The following EIF3L variants were observed in gnomAD, a reference collection of about 807,000 sequenced individuals.
The protein encoded by EIF3L is eIEF associated protein HSPC021.
A neutral mutation model predicts 74.6 loss-of-function variants in EIF3L; 32 were observed. The observed-to-expected ratio is 0.43, with a 90% confidence interval of 0.32 to 0.58. The LOEUF is 0.58. Among genes scored for constraint, EIF3L ranks in the 20% least tolerant of loss-of-function variants. The probability of loss-of-function intolerance (pLI) is 0.06; values close to 1 mark genes in which losing one functional copy is unlikely to be tolerated. For missense variants in EIF3L, 474 were observed against 707.8 expected (o/e 0.67, Z 3.75); for synonymous variants, 256 against 254.4 (o/e 1.01, Z -0.06).
chr22:37,874,338 C>G, intron 8 of EIF3L, 32 bp from the exon 9 acceptor site: 1 of 1,603,236 alleles, frequency 6.2e-7, no homozygotes, highest in South Asian at 1.1e-5. Flanking sequence ...TACCTGCCTC[C>G]TATCAGTATT....
At chr22:37,868,453 T>C (rs891961599) in intron 7 of EIF3L, among the ~76,000 whole-genome samples, 3 of 149,700 alleles carry the variant, frequency 2.0e-5, no homozygotes, top group African/African-American at 7.4e-5. Flanking sequence ...ATTCTGGATA[T>C]TCTTTTTTTT....
intron 10 of EIF3L, 150 bp from the exon 11 acceptor site, chr22:37,877,524 T>C (rs1044744374): frequency 2.2e-6 from 2 of 900,202 alleles, no homozygotes; most frequent in Admixed American, 2.8e-5. Context: ...AGAGGGAGGA[T>C]TGGAAGAGAT....
chr22:37,867,954 CAA>C (rs540704187), intron 7 of EIF3L, among the ~76,000 whole-genome samples: 7 of 60,728 alleles, frequency 1.2e-4, no homozygotes, highest in Non-Finnish European at 1.3e-4. Context: ...GACTCCATCT[CAA>C]AAAAAAAAAA....
At chr22:37,871,895 T>TA (rs1156939691) in intron 8 of EIF3L, among the ~76,000 whole-genome samples, 3 of 147,152 alleles carry the variant, frequency 2.0e-5, no homozygotes, top group Non-Finnish European at 4.5e-5. Context: ...AAAAAAAAGA[T>TA]ATCTCATTAG....
intron 7 of EIF3L, among the ~76,000 whole-genome samples, chr22:37,866,114 C>G (rs961515183): frequency 1.3e-5 from 2 of 152,220 alleles, no homozygotes; most frequent in Non-Finnish European, 2.9e-5. Context: ...GTATCAATTA[C>G]TGTCTGGAAG....
chr22:37,866,021 C>G (rs1056951849), intron 7 of EIF3L, among the ~76,000 whole-genome samples: 1 of 152,118 alleles, frequency 6.6e-6, no homozygotes, highest in Non-Finnish European at 1.5e-5. Flanking sequence ...GGCTCTTCCT[C>G]GCCACCCTGT....
chr22:37,851,480 T>G lies in EIF3L; in HGVS notation c.283T>G (p.Tyr95Asp), dbSNP rs9610856. ...DQKVYEIQDI[Y>D]ENSWTKLTER... ...GAAGGTGTATGAGATCCAGGACATC[T>G]ATGAGAACAGGTATGGGCTACTGGC... The change falls in exon 3 of 13, where the codon TAT becomes GAT. Residue 95 changes from tyrosine (Y) to aspartate (D), a missense_variant. This residue lies in a region of EIF3L where 141 missense variants were observed against 197.7 expected (regional missense o/e 0.71). Coordinates refer to ENST00000652021, the MANE Select transcript of EIF3L (RefSeq NM_016091.4). The G allele has an allele frequency of 1.2e-6, 2 of 1,612,946 alleles. No homozygotes were observed. Among genetic ancestry groups the G allele is most frequent in the Non-Finnish European group, 1.7e-6 (2 of 1,179,696 alleles).
chr22:37,866,273 T>C (rs1926145425), intron 7 of EIF3L, among the ~76,000 whole-genome samples: 2 of 152,190 alleles, frequency 1.3e-5, no homozygotes, highest in Non-Finnish European at 2.9e-5. Context: ...CCTGACTTGC[T>C]CTTTTGCTGC....
chr22:37,862,802 CT>C (rs537938365), intron 5 of EIF3L, among the ~76,000 whole-genome samples, 166 bp from the exon 6 acceptor site: 1 of 152,164 alleles, frequency 6.6e-6, no homozygotes, highest in East Asian at 1.9e-4. Context: ...AGTGCGTCAG[CT>C]GCTATAGGAC....
chr22:37,859,502 C>T lies in EIF3L; in HGVS notation c.435+762C>T, dbSNP rs1305574048. Among the ~76,000 whole-genome samples the T allele has an allele frequency of 2.0e-5, 3 of 150,720 alleles. No individual in the cohort carries two copies. The East Asian group carries it at 6.0e-4, about 30-fold the overall frequency. On this transcript the variant is annotated intron_variant, in intron 5 of 12. Coordinates refer to ENST00000652021, the MANE Select transcript of EIF3L (RefSeq NM_016091.4). ...GTTCACGCCATTCTCCTGCCTCAGCCTCCTGAGTAGCTGGGATTGCAGGTG... is the reference window on the plus strand; with the variant it reads ...GTTCACGCCATTCTCCTGCCTCAGCTTCCTGAGTAGCTGGGATTGCAGGTG...
At chr22:37,875,308 G>T (rs1569120633) in intron 9 of EIF3L, among the ~76,000 whole-genome samples, 1 of 151,410 alleles carries the variant, frequency 6.6e-6, no homozygotes, top group Non-Finnish European at 1.5e-5. Context: ...AACCTGGGAG[G>T]CAGAGGTTGC....
rs1255530299 is a variant in EIF3L at position 37,874,519 on chromosome 22, A to C, written c.901A>C (p.Lys301Gln). The stretch of plus-strand genomic sequence containing the variant: ...GGTGCTGGAGAACATCGAACTGAAC[A>C]AGAAGGTGATGCCTATTGCCTCTGG... ...IKVLENIELN[K>Q]KSMYSRVPEC... The change falls in exon 9 of 13, where the codon AAG (lysine) becomes CAG (glutamine). Residue 301 changes from lysine (K) to glutamine (Q), a missense_variant. Physicochemically the swap from Lys to Gln is moderately conservative, Grantham distance 53. Around this residue, in one of 4 missense-constraint regions of EIF3L, gnomAD observed 293 missense variants for 469.1 expected, o/e 0.62. Coordinates refer to ENST00000652021, the MANE Select transcript of EIF3L (RefSeq NM_016091.4). 6.2e-7 allele frequency: 1 copy of C among 1,613,840 alleles called. No individual in the cohort carries two copies. The highest frequency in any genetic ancestry group is 8.5e-7 in the Non-Finnish European group (1 of 1,179,830).
chr22:37,864,225 T>G (rs1259353984), intron 7 of EIF3L, among the ~76,000 whole-genome samples: 1 of 152,094 alleles, frequency 6.6e-6, no homozygotes, highest in Non-Finnish European at 1.5e-5. Context: ...ACGTGGATAT[T>G]TATATTACTG....
At chr22:37,858,255 T>A (rs1338906552) in intron 4 of EIF3L, among the ~76,000 whole-genome samples, 3 of 84,260 alleles carry the variant, frequency 3.6e-5, no homozygotes, top group African/African-American at 1.4e-4. Flanking sequence ...GACATGGGGG[T>A]CTCACTGTGT....
intron 8 of EIF3L, 136 bp from the exon 9 acceptor site, chr22:37,874,234 G>C (rs985765461): frequency 1.2e-6 from 1 of 850,052 alleles, no homozygotes; most frequent in African/African-American, 1.7e-5. Flanking sequence ...GTATTCCTTT[G>C]AAGTTATTCC....
At chr22:37,888,244 G>A (rs1927422424) in intron 12 of EIF3L, 182 bp from the exon 13 acceptor site, 1 of 577,632 alleles carries the variant, frequency 1.7e-6, no homozygotes, top group South Asian at 2.4e-5. Context: ...AATAATCCGC[G>A]TGAACTGTGC....
At position 37,870,365 on chromosome 22, in the gene EIF3L, A is replaced by G; in HGVS notation, c.751+18A>G. 1 of 1,581,576 alleles carries G rather than the reference A, an allele frequency of 6.3e-7. No homozygotes were observed. The highest frequency in any genetic ancestry group is 8.6e-7 in the Non-Finnish European group (1 of 1,161,386). On this transcript the variant is annotated intron_variant, in intron 8 of 12. Coordinates refer to ENST00000652021, the MANE Select transcript of EIF3L (RefSeq NM_016091.4). ...AAGCGGAGGTGAGTGCAGCAGGCCG[A>G]CAGCCGTGGCCTGCGAATTTCCAGC...
Position 37,849,488 on chromosome 22 carries a change from G to A in EIF3L, c.33+6G>A. ...CTGATGATTATGAGTCTGAGGTAAG[G>A]TGGCCGTAAGGGCGCGGTGGGCTCC... is the stretch of plus-strand genomic sequence containing the variant. On this transcript the variant is annotated splice_donor_region_variant and intron_variant, in intron 1 of 12. Coordinates refer to ENST00000652021, the MANE Select transcript of EIF3L (RefSeq NM_016091.4). 2 of 1,592,670 alleles carry A rather than the reference G, an allele frequency of 1.3e-6. No individual in the cohort carries two copies. Among genetic ancestry groups the A allele is most frequent in the East Asian group, 2.3e-5 (1 of 43,762 alleles).
rs149341352 is a variant in EIF3L at position 37,874,461 on chromosome 22, C to G, written c.843C>G (p.His281Gln). The change falls in exon 9 of 13, where the codon CAC becomes CAG. Residue 281 changes from histidine to glutamine, a missense_variant. Physicochemically the swap from His to Gln is conservative, Grantham distance 24 (BLOSUM62 0). Coordinates refer to ENST00000652021, the MANE Select transcript of EIF3L (RefSeq NM_016091.4). ...GCCTGGTCGGGCTTCTCCGCCTGCACTCCCTGTTAGGAGATTACTACCAGG... is the reference window on the plus strand; with the variant it reads ...GCCTGGTCGGGCTTCTCCGCCTGCAGTCCCTGTTAGGAGATTACTACCAGG... ...YFSLVGLLRLHSLLGDYYQAI... is the reference protein window; with the variant it reads ...YFSLVGLLRLQSLLGDYYQAI... The G allele has an allele frequency of 6.2e-7, 1 of 1,614,200 alleles. No individual in the cohort carries two copies. Among genetic ancestry groups the G allele is most frequent in the African/African-American group, 1.3e-5 (1 of 75,058 alleles).
Sources: gnomAD v4.1 joint callset for allele counts (sites outside exome capture counted in the v4.1 genomes callset) on GRCh38, gnomAD v4.1.1 for gene constraint, gnomAD v4.1.1 regional missense constraint, MANE v1.5 for transcripts, NCBI Gene and HGNC (gene_info 2026-07-23, HGNC 2026-07-21) for gene names.